Variants in ADARB2 observed in about 807,000 individuals in gnomAD.
ADARB2 encodes the protein adenosine deaminase RNA specific B2 (inactive).
ADARB2 carries 25 observed loss-of-function variants against 62.2 expected under a neutral mutation model. That is an observed-to-expected ratio of 0.40 (90% CI 0.29 to 0.56). ADARB2 has a LOEUF of 0.56. ADARB2 is among the 20% of genes least tolerant of loss of function. ADARB2 has a pLI of 0.43. For missense variants in ADARB2, 1,071 were observed against 1,077.4 expected, an observed-to-expected ratio of 0.99 and a Z score of 0.08; for synonymous variants, 572 against 500.8, an observed-to-expected ratio of 1.14 and a Z score of -1.90.
At chr10:1,384,716 A>C (rs1832511259) in intron 1 of ADARB2, among the ~76,000 whole-genome samples, 1 of 152,210 alleles carries the variant, frequency 6.6e-6, no homozygotes, top group Non-Finnish European at 1.5e-5. Context: ...AGCAGCACTG[A>C]TAAGTTGAGA....
intron 4 of ADARB2, among the ~76,000 whole-genome samples, chr10:1,264,338 A>G (rs1831173655): frequency 1.3e-5 from 2 of 152,216 alleles, no homozygotes; most frequent in African/African-American, 4.8e-5. Flanking sequence ...CAGGGGAGAC[A>G]ACGGAAGGAA....
chr10:1,514,379 T>C (rs1004332023), intron 1 of ADARB2, among the ~76,000 whole-genome samples: 5 of 151,762 alleles, frequency 3.3e-5, no homozygotes, highest in Non-Finnish European at 4.4e-5. Flanking sequence ...AGTTCTCCAC[T>C]GCTTCTCAAT....
chr10:1,390,230 C>G (rs1004968343), intron 1 of ADARB2, among the ~76,000 whole-genome samples: 1 of 152,168 alleles, frequency 6.6e-6, no homozygotes. Flanking sequence ...CAGTGTGGTT[C>G]CATTTACATA....
chr10:1,405,384 A>C (rs1395858989), intron 1 of ADARB2, among the ~76,000 whole-genome samples: 3 of 152,104 alleles, frequency 2.0e-5, no homozygotes, highest in African/African-American at 7.2e-5. Flanking sequence ...AAAATGAGAG[A>C]TCTCCAGAAA....
intron 1 of ADARB2, among the ~76,000 whole-genome samples, chr10:1,525,941 G>A (rs796309961): frequency 7.9e-5 from 12 of 152,284 alleles, no homozygotes; most frequent in African/African-American, 1.7e-4. Flanking sequence ...GTGTGAGCAC[G>A]TATGGGTGTG....
intron 3 of ADARB2, among the ~76,000 whole-genome samples, chr10:1,318,194 T>C (rs772293794): frequency 1.5e-4 from 23 of 152,168 alleles, no homozygotes; most frequent in Non-Finnish European, 2.2e-4. Flanking sequence ...ATCAATCAAA[T>C]AAAACAGCAA....
intron 2 of ADARB2, among the ~76,000 whole-genome samples, chr10:1,374,610 C>T (rs902477819): frequency 2.6e-5 from 4 of 152,180 alleles, no homozygotes; most frequent in Non-Finnish European, 5.9e-5. Flanking sequence ...TGGGTCTGCC[C>T]TCCCTCTGCC....
rs2131870096 is a variant in ADARB2 at position 1,398,040 on chromosome 10, ACCGTCCTCCTCTCCCCTCCCGAGTGCAGG to A, written c.101-18909_101-18881del. On this transcript the variant is annotated intron_variant, in intron 1 of 9. Coordinates refer to ENST00000381312, the MANE Select transcript of ADARB2 (RefSeq NM_018702.4). The surrounding 1 kb of genome is among the most constrained non-coding windows in gnomAD (Gnocchi z 4.1). ...CTCCCGAGTGCAGGCTTCCTGGGTC[ACCGTCCTCCTCTCCCCTCCCGAGTGCAGG>A]CTTCCTGGGTCACCGCCCTCCTCTC... Among the ~76,000 whole-genome samples, 3 of 133,102 alleles carry A rather than the reference ACCGTCCTCCTCTCCCCTCCCGAGTGCAGG, an allele frequency of 2.3e-5. No individual in the cohort carries two copies. The highest frequency in any genetic ancestry group is 4.8e-5 in the Non-Finnish European group (3 of 62,730). 87.3% of individuals were successfully genotyped at this position (133,102 alleles called of 152,430 possible). A position where few individuals can be genotyped will look rare whatever the true frequency, so the allele number is the denominator to read the frequency against.
Position 1,309,020 on chromosome 10 carries a change from T to A in ADARB2, c.1078-37951A>T, listed in dbSNP as rs11250409. ...AGTCCCCAAAAAGGCAATGATTTTT[T>A]TATAAAATTCAGTTCTTTAACTGAT... On this transcript the variant is annotated intron_variant, in intron 3 of 9. Transcript: ENST00000381312. Among the ~76,000 whole-genome samples, 392 of 152,374 alleles carry A rather than the reference T, an allele frequency of 2.6e-3. 3 individuals carry two copies. The highest frequency in any genetic ancestry group is 8.4e-3 in the African/African-American group (351 of 41,586).
intron 4 of ADARB2, among the ~76,000 whole-genome samples, chr10:1,244,744 T>G (rs140101542): frequency 6.6e-6 from 1 of 151,684 alleles, no homozygotes; most frequent in Non-Finnish European, 1.5e-5. Flanking sequence ...AGCATGACAG[T>G]GAGGGAGGAA....
chr10:1,520,899 C>T (rs1024539747), intron 1 of ADARB2, among the ~76,000 whole-genome samples: 5 of 152,164 alleles, frequency 3.3e-5, no homozygotes, highest in Admixed American at 6.5e-5. Flanking sequence ...TCAGATGGTT[C>T]CTGGACCTTT....
intron 1 of ADARB2, among the ~76,000 whole-genome samples, chr10:1,481,908 C>T (rs1261031627): frequency 6.6e-6 from 1 of 150,586 alleles, no homozygotes; most frequent in Non-Finnish European, 1.5e-5. Flanking sequence ...CAACACTTAA[C>T]CCATCCAACT....
chr10:1,501,378 A>G lies in ADARB2; in HGVS notation c.101-122218T>C, dbSNP rs1170517673. Among the ~76,000 whole-genome samples the G allele has an allele frequency of 5.3e-5, 8 of 152,216 alleles. No individual in the cohort carries two copies. The East Asian group carries it at 1.3e-3, about 26-fold the overall frequency. ...CTTTCTCCGATTTCTCAAAGGCAGC[A>G]TTCTCCTCAATGTGCCACACAGCCC... On this transcript the variant is annotated intron_variant, in intron 1 of 9. Transcript: ENST00000381312.
At chr10:1,706,322 G>A (rs1403982704) in intron 1 of ADARB2, among the ~76,000 whole-genome samples, 2 of 152,212 alleles carry the variant, frequency 1.3e-5, no homozygotes, top group African/African-American at 4.8e-5. Flanking sequence ...ATGAAAAATG[G>A]TGAGAAATGG....
chr10:1,437,690 G>A (rs1830848924), intron 1 of ADARB2, among the ~76,000 whole-genome samples: 1 of 152,226 alleles, frequency 6.6e-6, no homozygotes, highest in African/African-American at 2.4e-5. Context: ...CCTTGGAAGA[G>A]CGTCCTGGGC....
chr10:1,464,574 GCA>G (rs1381111428), intron 1 of ADARB2, among the ~76,000 whole-genome samples: 4 of 64,990 alleles, frequency 6.2e-5, no homozygotes, highest in Admixed American at 1.3e-4. Context: ...AGCGGGCAGT[GCA>G]CTGGAGAAGA....
chr10:1,213,286 T>G (rs1837185251), intron 7 of ADARB2, among the ~76,000 whole-genome samples: 1 of 148,830 alleles, frequency 6.7e-6, no homozygotes, highest in African/African-American at 2.5e-5. Flanking sequence ...GGGAGAGAGA[T>G]ACAGAGAGAC....
chr10:1,553,386 G>T (rs1476448155), intron 1 of ADARB2, among the ~76,000 whole-genome samples: 1 of 152,198 alleles, frequency 6.6e-6, no homozygotes. Flanking sequence ...GAGGCAGGCA[G>T]CGGATTCTGA....
chr10:1,500,413 A>G (rs1422994523), intron 1 of ADARB2, among the ~76,000 whole-genome samples: 1 of 152,258 alleles, frequency 6.6e-6, no homozygotes, highest in Non-Finnish European at 1.5e-5. Context: ...CAATTATTCC[A>G]GTAGAAATTC....
Sources: gnomAD v4.1 joint callset for allele counts (sites outside exome capture counted in the v4.1 genomes callset) on GRCh38, gnomAD v4.1.1 for gene constraint, Gnocchi (gnomAD v3.1) non-coding constraint, MANE v1.5 for transcripts, NCBI Gene and HGNC (gene_info 2026-07-23, HGNC 2026-07-21) for gene names.